The following STRN variants were observed in gnomAD, a reference collection of about 807,000 sequenced individuals.
STRN encodes striatin, also known as protein phosphatase 2 regulatory subunit B'''alpha.
Under a neutral mutation model 96.3 loss-of-function variants are expected in STRN, and 53 were observed. The observed-to-expected ratio is 0.55, with a 90% confidence interval of 0.44 to 0.69. The LOEUF (loss-of-function observed/expected upper bound fraction) is 0.69, where lower values mean the gene tolerates loss of function less well. STRN is among the 30% of genes least tolerant of loss of function. The pLI, the probability that STRN is intolerant of heterozygous loss-of-function variation, is 0.00. For missense variants in STRN, 987 were observed against 963.9 expected (o/e 1.02, Z -0.32); for synonymous variants, 428 against 355.9 (o/e 1.20, Z -2.28).
At chr2:36,921,397 T>G (rs957194326) in intron 2 of STRN, among the ~76,000 whole-genome samples, 2 of 152,068 alleles carry the variant, frequency 1.3e-5, no homozygotes, top group African/African-American at 4.8e-5. Context: ...TTCCTGTCAC[T>G]CCTTCTAGTT....
intron 1 of STRN, among the ~76,000 whole-genome samples, chr2:36,962,882 G>T (rs78407517): frequency 1.3e-5 from 2 of 152,208 alleles, no homozygotes; most frequent in South Asian, 2.1e-4. Flanking sequence ...AAGTTATATC[G>T]TACTAATAAC....
chr2:36,855,407 T>C, intron 14 of STRN, 55 bp from the exon 15 acceptor site: 1 of 1,583,284 alleles, frequency 6.3e-7, no homozygotes, highest in Non-Finnish European at 8.6e-7. Context: ...CTTGACAATC[T>C]GCTTAAAATA....
At chr2:36,920,367 G>T (rs143179924) in intron 2 of STRN, among the ~76,000 whole-genome samples, 6 of 152,094 alleles carry the variant, frequency 3.9e-5, no homozygotes, top group Non-Finnish European at 8.8e-5. Context: ...GGCTGGGCGC[G>T]GTGGCTCACA....
chr2:36,857,479 A>G (rs1265174287), intron 14 of STRN, among the ~76,000 whole-genome samples: 2 of 151,884 alleles, frequency 1.3e-5, no homozygotes, highest in East Asian at 3.9e-4. Flanking sequence ...GTTCCAGACC[A>G]GCCTGGCCAA....
At chr2:36,905,674 T>G in intron 3 of STRN, 56 bp from the exon 4 acceptor site, 1 of 1,381,036 alleles carries the variant, frequency 7.2e-7, no homozygotes, top group Non-Finnish European at 1.0e-6. Context: ...AGAGGGCATC[T>G]TAATTCATTA....
At chr2:36,865,269 G>A (rs1408632412) in intron 12 of STRN, among the ~76,000 whole-genome samples, 1 of 152,194 alleles carries the variant, frequency 6.6e-6, no homozygotes, top group Non-Finnish European at 1.5e-5. Flanking sequence ...GCACAGAGGT[G>A]TTCATAACAG....
In STRN at chr2:36,839,574, T is replaced by A. The variant is rs140590197; in HGVS notation, c.*9882A>T. ...TTACATCCGTTATCTCAAATCAACC[T>A]AATTAGGCAGATCTATTATCCCCAT... On this transcript the variant is annotated 3_prime_UTR_variant, in exon 18 of 18. Transcript: ENST00000263918. Among the ~76,000 whole-genome samples the A allele has an allele frequency of 7.4e-4, 112 of 152,322 alleles. 1 individual carries two copies. Among genetic ancestry groups the A allele is most frequent in the African/African-American group, 2.5e-3 (102 of 41,580 alleles).
intron 1 of STRN, among the ~76,000 whole-genome samples, chr2:36,931,509 A>G (rs1242740261): frequency 6.6e-6 from 1 of 152,226 alleles, no homozygotes; most frequent in African/African-American, 2.4e-5. Context: ...GATTCAAGTG[A>G]TAAAATCAAA....
chr2:36,961,884 A>G (rs1302265178), intron 1 of STRN, among the ~76,000 whole-genome samples: 4 of 152,080 alleles, frequency 2.6e-5, no homozygotes, highest in African/African-American at 9.7e-5. Flanking sequence ...GATATTCCTT[A>G]AATATTCCAA....
chr2:36,922,497 C>G (rs1572676840), intron 2 of STRN, among the ~76,000 whole-genome samples: 2 of 123,538 alleles, frequency 1.6e-5, no homozygotes, highest in East Asian at 4.6e-4. Flanking sequence ...ACAGCCTAGG[C>G]AACAGAGCAA....
intron 7 of STRN, among the ~76,000 whole-genome samples, chr2:36,887,042 GACACACACAC>G (rs70946957): frequency 0.051 from 7,347 of 144,696 alleles, 201 homozygotes; most frequent in East Asian, 0.082. Flanking sequence ...TCTCCTGAAA[GACACACACAC>G]ACACACACAC....
chr2:36,953,333 A>C (rs1403691924), intron 1 of STRN, among the ~76,000 whole-genome samples: 1 of 152,040 alleles, frequency 6.6e-6, no homozygotes, highest in African/African-American at 2.4e-5. Context: ...ATTCTGTAAC[A>C]AATTTTCCTT....
At chr2:36,859,566 T>C (rs1172269932) in intron 13 of STRN, among the ~76,000 whole-genome samples, 1 of 152,206 alleles carries the variant, frequency 6.6e-6, no homozygotes, top group African/African-American at 2.4e-5. Flanking sequence ...GAAATTCCTG[T>C]AGTCAATCTG....
chr2:36,865,078 G>T (rs1033546304), intron 12 of STRN, among the ~76,000 whole-genome samples: 2 of 152,178 alleles, frequency 1.3e-5, no homozygotes, highest in Non-Finnish European at 2.9e-5. Context: ...TTATGCGTTA[G>T]GTAGAATTCA....
At chr2:36,902,913 T>A (rs1231578860) in intron 4 of STRN, 162 bp from the exon 5 acceptor site, 1 of 472,252 alleles carries the variant, frequency 2.1e-6, no homozygotes, top group African/African-American at 2.0e-5. Flanking sequence ...CAGCTGCAGA[T>A]GGAGCTGTCT....
At position 36,840,696 on chromosome 2, in the gene STRN, T is replaced by A. The variant is rs1667931457; in HGVS notation, c.*8760A>T. The A allele has an allele frequency of 6.6e-6, 1 of 152,194 alleles. No homozygotes were observed. The highest frequency in any genetic ancestry group is 2.4e-5 in the African/African-American group (1 of 41,442). 9.4% of individuals were successfully genotyped at this position (152,194 alleles called of 1,614,324 possible). ...GAACATAAGAAAAACGAACATGGTC[T>A]GTGCCTTAGGGAGCTTATATAGACA... On this transcript the variant is annotated 3_prime_UTR_variant, in exon 18 of 18. Coordinates refer to ENST00000263918, the MANE Select transcript of STRN (RefSeq NM_003162.4).
At chr2:36,958,534 A>C (rs1664949697) in intron 1 of STRN, among the ~76,000 whole-genome samples, 1 of 152,254 alleles carries the variant, frequency 6.6e-6, no homozygotes, top group Non-Finnish European at 1.5e-5. Flanking sequence ...GATGGTTTTA[A>C]CAAATCAGAC....
intron 5 of STRN, among the ~76,000 whole-genome samples, chr2:36,901,927 G>A (rs948883579): frequency 2.0e-5 from 3 of 152,038 alleles, no homozygotes; most frequent in Non-Finnish European, 4.4e-5. Flanking sequence ...CAAAATAAAA[G>A]TCATACTTAA....
chr2:36,961,437 C>G (rs1325328630), intron 1 of STRN, among the ~76,000 whole-genome samples: 1 of 152,084 alleles, frequency 6.6e-6, no homozygotes, highest in Non-Finnish European at 1.5e-5. Flanking sequence ...CCTCTAAAAA[C>G]TGTTAAGTCA....
Sources: allele counts gnomAD v4.1 joint callset (sites outside exome capture counted in the v4.1 genomes callset), GRCh38; gene constraint gnomAD v4.1.1; transcripts MANE v1.5; gene names NCBI Gene and HGNC (gene_info 2026-07-23, HGNC 2026-07-21).